The following TRPC4 variants were observed in gnomAD, a reference collection of about 807,000 sequenced individuals.
TRPC4 encodes the protein short transient receptor potential channel 4.
In TRPC4, 49 loss-of-function variants were observed where a neutral mutation model predicts 99.4. The observed-to-expected ratio is 0.49, with a 90% CI of 0.39 to 0.63. The LOEUF (loss-of-function observed/expected upper bound fraction) is 0.63. Ranked by LOEUF, TRPC4 falls within the 20% of genes least tolerant of loss-of-function variation. The probability of loss-of-function intolerance (pLI) is 0.00; values close to 1 mark genes in which losing one functional copy is unlikely to be tolerated. For missense variants in TRPC4, 898 were observed against 1,152.9 expected (o/e 0.78, Z 3.20); for synonymous variants, 454 against 425.9 (o/e 1.07, Z -0.81).
At chr13:37,667,996 C>T (rs939958843) in intron 5 of TRPC4, among the ~76,000 whole-genome samples, 6 of 152,158 alleles carry the variant, frequency 3.9e-5, no homozygotes, top group East Asian at 1.9e-4. Flanking sequence ...AGATGCCATA[C>T]GGGTTTACAA....
intron 3 of TRPC4, among the ~76,000 whole-genome samples, chr13:37,721,518 T>C (rs1954867398): frequency 1.3e-5 from 2 of 152,128 alleles, no homozygotes; most frequent in Non-Finnish European, 1.5e-5. Context: ...GGCCCTACTA[T>C]GTATCCATGA....
chr13:37,747,208 A>T (rs182455779), intron 2 of TRPC4, among the ~76,000 whole-genome samples: 1 of 152,278 alleles, frequency 6.6e-6, no homozygotes, highest in Non-Finnish European at 1.5e-5. Context: ...TGATGAAAAT[A>T]ATAATAGCCG....
At chr13:37,782,599 A>G (rs1410084361) in intron 2 of TRPC4, among the ~76,000 whole-genome samples, 1 of 152,120 alleles carries the variant, frequency 6.6e-6, no homozygotes, top group Non-Finnish European at 1.5e-5. Flanking sequence ...TAAGAAAATG[A>G]AAGGCAAGAG....
chr13:37,847,099 G>T (rs1293936110), intron 1 of TRPC4, among the ~76,000 whole-genome samples: 1 of 151,764 alleles, frequency 6.6e-6, no homozygotes, highest in Non-Finnish European at 1.5e-5. Context: ...ATAATAATAG[G>T]GGGCCTCGAT....
rs369471955 is a variant in TRPC4 at position 37,795,029 on chromosome 13, CTAT to C, written c.-27-11672_-27-11670del. Reference sequence around the variant, plus strand: ...GTTTTATAAGATGCAATTAATTTGGCTATTTTTTACTTCTAAAAATAACTACTG... The same window carrying C: ...GTTTTATAAGATGCAATTAATTTGGCTTTTTACTTCTAAAAATAACTACTG... On this transcript the variant is annotated intron_variant, in intron 1 of 10. Coordinates refer to ENST00000379705, the MANE Select transcript of TRPC4 (RefSeq NM_016179.4). 9.5e-4 allele frequency among the ~76,000 whole-genome samples: 144 copies of C among 152,166 alleles called. 4 individuals carry two copies. The South Asian group carries it at 0.026, about 27-fold the overall frequency.
intron 3 of TRPC4, among the ~76,000 whole-genome samples, chr13:37,727,735 G>A (rs1955109180): frequency 6.6e-6 from 1 of 151,710 alleles, no homozygotes; most frequent in African/African-American, 2.4e-5. Context: ...TAATTCTAAA[G>A]AAAGAAAAAG....
chr13:37,752,974 C>T lies in TRPC4; in HGVS notation c.379-6519G>A, dbSNP rs1006480505. 3.6e-4 allele frequency among the ~76,000 whole-genome samples: 40 copies of T among 109,678 alleles called. 1 individual carries two copies. The highest frequency in any genetic ancestry group is 8.2e-4 in the Non-Finnish European group (35 of 42,568). The allele number at this position is 109,678 out of a possible 152,430, so 72.0% of individuals were successfully genotyped here. A position where few individuals can be genotyped will look rare whatever the true frequency, so the allele number is the denominator to read the frequency against. ...TAGCAGAAAATTCCTCTCTTTCTCC[C>T]TCCACACACACACACACGCACACAC... is the stretch of plus-strand genomic sequence containing the variant. On this transcript the variant is annotated intron_variant, in intron 2 of 10. Transcript: ENST00000379705.
intron 5 of TRPC4, among the ~76,000 whole-genome samples, chr13:37,666,124 A>G (rs1356670048): frequency 6.6e-6 from 1 of 152,192 alleles, no homozygotes; most frequent in Non-Finnish European, 1.5e-5. Flanking sequence ...TATTGTGCTT[A>G]CACTCTCAGA....
At chr13:37,824,711 C>T (rs962760520) in intron 1 of TRPC4, among the ~76,000 whole-genome samples, 11 of 152,160 alleles carry the variant, frequency 7.2e-5, no homozygotes, top group Admixed American at 2.6e-4. Context: ...CAATGTTCAT[C>T]GAGGATATTG....
At chr13:37,650,612 T>TACACACACACACACACACACAC (rs57068516) in intron 8 of TRPC4, among the ~76,000 whole-genome samples, 140 of 140,604 alleles carry the variant, frequency 1.0e-3, no homozygotes, top group Middle Eastern at 7.1e-3. Flanking sequence ...TCTCTCTCTA[T>TACACACACACACACACACACAC]ACACACACAC....
At chr13:37,667,555 G>A (rs776872963) in intron 5 of TRPC4, among the ~76,000 whole-genome samples, 2 of 152,186 alleles carry the variant, frequency 1.3e-5, no homozygotes, top group Admixed American at 6.5e-5. Flanking sequence ...TGGTCTGCCC[G>A]CCTGGGCCTC....
chr13:37,738,229 G>A (rs904534678), intron 3 of TRPC4, among the ~76,000 whole-genome samples: 2 of 152,182 alleles, frequency 1.3e-5, no homozygotes, highest in Non-Finnish European at 1.5e-5. Context: ...ATAGAATAAG[G>A]AAATGGCAGG....
chr13:37,714,682 C>T (rs1391012495), intron 3 of TRPC4, among the ~76,000 whole-genome samples: 1 of 152,098 alleles, frequency 6.6e-6, no homozygotes, highest in Non-Finnish European at 1.5e-5. Context: ...TGATTTCTGC[C>T]ATCAAAGTAT....
chr13:37,755,437 T>TA (rs1956073217), intron 2 of TRPC4, among the ~76,000 whole-genome samples: 1 of 150,848 alleles, frequency 6.6e-6, no homozygotes, highest in South Asian at 2.1e-4. Context: ...TTTTATTTTT[T>TA]ATTTTTTTAT....
At chr13:37,789,310 G>C (rs980144509) in intron 1 of TRPC4, among the ~76,000 whole-genome samples, 23 of 151,994 alleles carry the variant, frequency 1.5e-4, no homozygotes, top group Non-Finnish European at 2.6e-4. Flanking sequence ...CCTTCCCTTG[G>C]GCACTTAGCA....
intron 3 of TRPC4, among the ~76,000 whole-genome samples, chr13:37,728,833 AT>A (rs1431596788): frequency 6.6e-6 from 1 of 152,138 alleles, no homozygotes; most frequent in African/African-American, 2.4e-5. Flanking sequence ...AAAACCAGAC[AT>A]AATCACCAGT....
At chr13:37,853,860 A>C (rs992908718) in intron 1 of TRPC4, among the ~76,000 whole-genome samples, 1 of 152,038 alleles carries the variant, frequency 6.6e-6, no homozygotes, top group Non-Finnish European at 1.5e-5. Context: ...AAGACAGGCT[A>C]TTTGAAAATA....
intron 1 of TRPC4, among the ~76,000 whole-genome samples, chr13:37,845,295 C>G (rs1262091317): frequency 1.3e-5 from 2 of 152,018 alleles, no homozygotes; most frequent in East Asian, 3.9e-4. Flanking sequence ...TAATAAAGCT[C>G]TACTGATGGA....
At chr13:37,756,689 C>T (rs1049540772) in intron 2 of TRPC4, among the ~76,000 whole-genome samples, 2 of 151,724 alleles carry the variant, frequency 1.3e-5, no homozygotes, top group African/African-American at 4.8e-5. Context: ...GGCACCACCA[C>T]ACCTGGCTTA....
Sources: gnomAD v4.1 joint callset for allele counts (sites outside exome capture counted in the v4.1 genomes callset) on GRCh38, gnomAD v4.1.1 for gene constraint, MANE v1.5 for transcripts, NCBI Gene and HGNC (gene_info 2026-07-23, HGNC 2026-07-21) for gene names.